Variants in KCND1 observed in about 807,000 individuals in gnomAD.
The protein encoded by KCND1 is A-type voltage-gated potassium channel KCND1.
Under a neutral mutation model 31.8 loss-of-function variants are expected in KCND1, and 11 were observed. The observed-to-expected ratio is 0.35, with a 90% confidence interval of 0.22 to 0.57. The LOEUF is 0.57. Ranked by LOEUF, KCND1 falls within the 20% of genes least tolerant of loss-of-function variation. The pLI is 0.85. For missense variants in KCND1, 471 were observed against 596.8 expected (o/e 0.79, Z 2.20); for synonymous variants, 234 against 248.1 (o/e 0.94, Z 0.53).
Position 48,962,765 on chromosome X carries a change from A to G in KCND1, c.1760T>C (p.Leu587Pro). ...LNAKPHDSLD[L>P]NCDSRDFVAA... The stretch of plus-strand genomic sequence containing the variant: ...CACGAAGTCCCGGCTGTCGCAGTTC[A>G]GGTCAAGGCTGTCATGGGGCTTGGC... The change falls in exon 6 of 6, where the codon CTG becomes CCG. Residue 587 changes from leucine to proline, a missense_variant. By Grantham distance (98) the Leu-to-Pro change is moderately conservative. Coordinates refer to ENST00000218176, the MANE Select transcript of KCND1 (RefSeq NM_004979.6). 3 of 1,211,149 alleles carry G rather than the reference A, an allele frequency of 2.5e-6. No homozygotes were observed. Among genetic ancestry groups the G allele is most frequent in the Non-Finnish European group, 3.4e-6 (3 of 895,155 alleles).
rs781926945 is a variant in KCND1 at position 48,962,749 on chromosome X, C to T, written c.1776G>A (p.Arg592=). 113 of 1,208,426 alleles carry T rather than the reference C, an allele frequency of 9.4e-5. No individual in the cohort carries two copies. The South Asian group carries it at 1.5e-3, about 16-fold the overall frequency. The change falls in exon 6 of 6, where the codon CGG becomes CGA. Residue 592 remains arginine, a synonymous_variant. Transcript: ENST00000218176. ...HDSLDLNCDS[R]DFVAAIISIP... The stretch of plus-strand genomic sequence containing the variant: ...TGCTGATAATGGCAGCCACGAAGTC[C>T]CGGCTGTCGCAGTTCAGGTCAAGGC...
intron 1 of KCND1, among the ~76,000 whole-genome samples, chrX:48,968,614 C>T (rs1341982933): frequency 1.8e-5 from 2 of 111,971 alleles, no homozygotes; most frequent in African/African-American, 6.5e-5. Flanking sequence ...CATGAGAAAA[C>T]GACATCAACA....
In KCND1 at chrX:48,969,417, G is replaced by A. The variant is rs2064370942; in HGVS notation, c.855C>T (p.Asp285=). 1.7e-6 allele frequency: 2 copies of A among 1,210,633 alleles called. No homozygotes were observed. The highest frequency in any genetic ancestry group is 2.2e-6 in the Non-Finnish European group (2 of 894,886). ...GGGTGACAAAGGCGCCAGAGACATC[G>A]TCGTTCTTGGGCACCAAAAGCCCAA... is the stretch of plus-strand genomic sequence containing the variant. ...YYIGLLVPKN[D]DVSGAFVTLR... The change falls in exon 1 of 6, where the codon GAC becomes GAT. Residue 285 remains aspartate, a synonymous_variant. Transcript: ENST00000218176.
At chrX:48,966,343 A>G (rs1557058022) in intron 4 of KCND1, 38 bp from the exon 5 acceptor site, 1 of 1,160,913 alleles carries the variant, frequency 8.6e-7, no homozygotes, top group Non-Finnish European at 1.2e-6. Context: ...GGGGCATCCC[A>G]TGGGAGCTGA....
In KCND1 at chrX:48,961,539, T is replaced by C. The variant is rs781964258; in HGVS notation, c.*1042A>G. The stretch of plus-strand genomic sequence containing the variant: ...TCACCCAAGAGGGAGAAGAAAGGAA[T>C]ATGTGAAAAGGAATTGTAGGGGAGG... On this transcript the variant is annotated 3_prime_UTR_variant, in exon 6 of 6. Coordinates refer to ENST00000218176, the MANE Select transcript of KCND1 (RefSeq NM_004979.6). The C allele has an allele frequency of 3.6e-5, 4 of 112,276 alleles. No homozygotes were observed. The highest frequency in any genetic ancestry group is 7.5e-5 in the Non-Finnish European group (4 of 53,202). 9.3% of individuals were successfully genotyped at this position (112,276 alleles called of 1,213,427 possible).
rs782311304 is a variant in KCND1, at chrX:48,969,270, G to C, written c.1002C>G (p.Thr334=). 9.9e-6 allele frequency: 12 copies of C among 1,209,039 alleles called. No individual in the cohort carries two copies. In the South Asian group the frequency reaches 1.6e-4, roughly 16 times the overall value. Residue 334 remains threonine, a synonymous_variant, in exon 1 of 6, where the codon ACC becomes ACG. Coordinates refer to ENST00000218176, the MANE Select transcript of KCND1 (RefSeq NM_004979.6). The part of the protein sequence containing the change: ...SELGFLLFSL[T]MAIIIFATVM... Reference sequence around the variant, plus strand: ...CAGTGGCAAAGATGATGATGGCCATGGTTAGGGAAAAGAGGAGAAAGCCCA... The same window carrying C: ...CAGTGGCAAAGATGATGATGGCCATCGTTAGGGAAAAGAGGAGAAAGCCCA...
At chrX:48,968,906 T>C (rs1315760306) in intron 1 of KCND1, among the ~76,000 whole-genome samples, 6 of 111,313 alleles carry the variant, frequency 5.4e-5, no homozygotes, top group Non-Finnish European at 1.1e-4. Flanking sequence ...ATACAAAAAT[T>C]AGCTGGGCAT....
At chrX:48,962,835 G>A (rs1557057383) in intron 5 of KCND1, 29 bp from the exon 6 acceptor site, 1 of 1,165,379 alleles carries the variant, frequency 8.6e-7, no homozygotes, top group Non-Finnish European at 1.2e-6. Context: ...AAGATGGAAG[G>A]CTCTTAAAAA....
chrX:48,964,953 C>T (rs200094123), intron 5 of KCND1, among the ~76,000 whole-genome samples: 3 of 91,628 alleles, frequency 3.3e-5, no homozygotes, highest in East Asian at 4.2e-4. Flanking sequence ...ACCCGGGAGG[C>T]GGAGGTTGCA....
rs140214835 is a variant in KCND1, at chrX:48,962,178, C to T, written c.*403G>A. On this transcript the variant is annotated 3_prime_UTR_variant, in exon 6 of 6. Transcript: ENST00000218176. ...TCTCTGAACCTCCAAAGCTCCATAT[C>T]CCAGCCAGAGGGAGGAGGAAATCTC... The T allele has an allele frequency of 9.5e-3, 1,331 of 140,724 alleles. 12 individuals carry two copies. Among genetic ancestry groups the T allele is most frequent in the Middle Eastern group, 0.033 (10 of 305 alleles). 11.6% of individuals were successfully genotyped at this position (140,724 alleles called of 1,213,427 possible).
intron 1 of KCND1, 180 bp from the exon 2 acceptor site, chrX:48,967,286 C>T (rs1220831478): frequency 2.3e-6 from 1 of 433,011 alleles, no homozygotes; most frequent in African/African-American, 2.5e-5. Context: ...TGGGCCTGGC[C>T]CTCAACCCCT....
rs187159267 is a variant in KCND1, at chrX:48,966,634, G to A, written c.1411C>T (p.Arg471Cys). The A allele has an allele frequency of 1.2e-4, 141 of 1,208,190 alleles. No individual in the cohort carries two copies. Among genetic ancestry groups the A allele is most frequent in the Non-Finnish European group, 6.1e-5 (55 of 894,469 alleles). Residue 471 changes from arginine (R) to cysteine (C), a missense_variant, in exon 4 of 6, where the codon CGT becomes TGT. Arg to Cys is a radical substitution (Grantham distance 180, BLOSUM62 -3). Coordinates refer to ENST00000218176, the MANE Select transcript of KCND1 (RefSeq NM_004979.6). ...TGATGTTGCTGTTCAAAGGCAGAAC[G>A]GTTCCTGACACAAAGAGCCTGTTCC... ...GEEQALCVRN[R>C]SAFEQQHHHL...
Position 48,970,597 on chromosome X carries a change from A to G in KCND1, c.-326T>C, listed in dbSNP as rs2064382831. On this transcript the variant is annotated 5_prime_UTR_variant, in exon 1 of 6. Transcript: ENST00000218176. Reference sequence around the variant, plus strand: ...GGTTTAGAGAGACTGAGATGATTCTAAAGGAGTCAGCCTGTGCCTGAGAGG... The same window carrying G: ...GGTTTAGAGAGACTGAGATGATTCTGAAGGAGTCAGCCTGTGCCTGAGAGG... 4.6e-6 allele frequency: 1 copy of G among 216,804 alleles called. No homozygotes were observed. Among genetic ancestry groups the G allele is most frequent in the Non-Finnish European group, 8.1e-6 (1 of 122,732 alleles). 17.9% of individuals were successfully genotyped at this position (216,804 alleles called of 1,213,427 possible). A position where few individuals can be genotyped will look rare whatever the true frequency, so the allele number is the denominator to read the frequency against.
In KCND1 at chrX:48,970,156, TCTC is replaced by T. The variant is rs782510414; in HGVS notation, c.113_115del (p.Gly38del). 4.0e-5 allele frequency: 48 copies of T among 1,209,172 alleles called. No individual in the cohort carries two copies. The highest frequency in any genetic ancestry group is 5.3e-5 in the Non-Finnish European group (47 of 894,833). On this transcript the variant is annotated inframe_deletion, in exon 1 of 6. Coordinates refer to ENST00000218176, the MANE Select transcript of KCND1 (RefSeq NM_004979.6). Reference sequence around the variant, plus strand: ...GCTCACGTTCACCACCAGAACCTCATCTCCTCGAGATGCCTTCACCCCCGGTGC... The same window carrying T: ...GCTCACGTTCACCACCAGAACCTCATCTCGAGATGCCTTCACCCCCGGTGC...
chrX:48,970,539 T>G lies in KCND1; in HGVS notation c.-268A>C, dbSNP rs2071344263. 3.5e-5 allele frequency: 11 copies of G among 310,196 alleles called. No homozygotes were observed. The highest frequency in any genetic ancestry group is 1.3e-4 in the Admixed American group (2 of 15,610). The allele number at this position is 310,196 out of a possible 1,213,427, so 25.6% of individuals were successfully genotyped here. ...GACATGGAGAAGAGCAGAAAAGGGG[T>G]GTGGGGATGGGGCCAAGAAGGAGCT... On this transcript the variant is annotated 5_prime_UTR_variant, in exon 1 of 6. Coordinates refer to ENST00000218176, the MANE Select transcript of KCND1 (RefSeq NM_004979.6).
chrX:48,962,703 T>G lies in KCND1; in HGVS notation c.1822A>C (p.Thr608Pro). 2 of 1,208,921 alleles carry G rather than the reference T, an allele frequency of 1.7e-6. No individual in the cohort carries two copies. Among genetic ancestry groups the G allele is most frequent in the Non-Finnish European group, 2.2e-6 (2 of 894,357 alleles). ...GAGGAAGGTTGGCTCTCATCTGGGG[T>G]GTTGGCAGGAGGGGTAGGGATGCTG... ...IISIPTPPAN[T>P]PDESQPSSPG... Residue 608 changes from threonine to proline, a missense_variant, in exon 6 of 6, where the codon ACC becomes CCC. Thr to Pro is a conservative substitution (Grantham distance 38, BLOSUM62 -1). Coordinates refer to ENST00000218176, the MANE Select transcript of KCND1 (RefSeq NM_004979.6).
chrX:48,966,332 C>T lies in KCND1; in HGVS notation c.1468-27G>A, dbSNP rs368530540. ...TATGGGCAGAAGGGAGGCAGGGTCA[C>T]GGGGCATCCCATGGGAGCTGATCCC... On this transcript the variant is annotated intron_variant, in intron 4 of 5. Coordinates refer to ENST00000218176, the MANE Select transcript of KCND1 (RefSeq NM_004979.6). 3.4e-5 allele frequency: 40 copies of T among 1,166,567 alleles called. No homozygotes were observed. In the African/African-American group the frequency reaches 5.8e-4, roughly 17 times the overall value.
chrX:48,967,016 C>T lies in KCND1; in HGVS notation c.1212G>A (p.Val404=). 2.5e-6 allele frequency: 3 copies of T among 1,210,079 alleles called. No individual in the cohort carries two copies. The highest frequency in any genetic ancestry group is 3.4e-6 in the Non-Finnish European group (3 of 894,819). Residue 404 remains valine (V), a synonymous_variant, in exon 2 of 6, where the codon GTG becomes GTA. Transcript: ENST00000218176. ...LSGVLVIALP[V]PVIVSNFSRI... ...GGCTAAAGTTGGACACAATGACTGG[C>T]ACAGGCAGGGCAATGACCAAGACGC...
Position 48,969,723 on chromosome X carries a change from G to T in KCND1, c.549C>A (p.Thr183=), listed in dbSNP as rs782798669. Reference sequence around the variant, plus strand: ...TCACATAGTAGAAAACGAGGGCTGCGGTGCTCGTGTGTGGATTCTCGAAGG... The same window carrying T: ...TCACATAGTAGAAAACGAGGGCTGCTGTGCTCGTGTGTGGATTCTCGAAGG... The part of the protein sequence containing the change: ...WRAFENPHTS[T]AALVFYYVTG... Residue 183 remains threonine (T), a synonymous_variant, in exon 1 of 6, where the codon ACC becomes ACA. Transcript: ENST00000218176. 1 of 1,208,882 alleles carries T rather than the reference G, an allele frequency of 8.3e-7. No homozygotes were observed. The highest frequency in any genetic ancestry group is 1.7e-5 in the African/African-American group (1 of 57,948).
Sources: allele counts gnomAD v4.1 joint callset (sites outside exome capture counted in the v4.1 genomes callset), GRCh38; gene constraint gnomAD v4.1.1; transcripts MANE v1.5; gene names NCBI Gene and HGNC (gene_info 2026-07-23, HGNC 2026-07-21).